SWAP70: variants seen among roughly 807,000 people sequenced by gnomAD.
SWAP70 encodes the protein switch-associated protein 70.
SWAP70 carries 34 observed loss-of-function variants against 80.2 expected under a neutral mutation model. That is an observed-to-expected ratio of 0.42 (90% CI 0.32 to 0.56). SWAP70 has a LOEUF of 0.56. SWAP70 is among the 20% of genes least tolerant of loss of function. SWAP70 has a pLI of 0.09. For synonymous variants in SWAP70, 239 were observed against 238.5 expected, an observed-to-expected ratio of 1.00 and a Z score of -0.02; for missense variants, 578 against 690.7, an observed-to-expected ratio of 0.84 and a Z score of 1.83.
intron 1 of SWAP70, among the ~76,000 whole-genome samples, chr11:9,683,584 G>A (rs1045420265): frequency 6.6e-6 from 1 of 152,204 alleles, no homozygotes; most frequent in Non-Finnish European, 1.5e-5. Flanking sequence ...CCAATGTTAA[G>A]ACACTGTTAG....
rs1348040216 is a variant in SWAP70, at chr11:9,664,249, A to G, written c.70A>G (p.Ser24Gly). ...HAFTALDQDH[S>G]GKVSKSQLKV... ...CTTCACCGCACTCGACCAGGACCAC[A>G]GCGGCAAGGTCTCCAAGTCCCAGCT... is the stretch of plus-strand genomic sequence containing the variant. The change falls in exon 1 of 12, where the codon AGC becomes GGC. Residue 24 changes from serine to glycine, a missense_variant. Coordinates refer to ENST00000318950, the MANE Select transcript of SWAP70 (RefSeq NM_015055.4). 1 of 1,590,644 alleles carries G rather than the reference A, an allele frequency of 6.3e-7. No individual in the cohort carries two copies. Among genetic ancestry groups the G allele is most frequent in the Non-Finnish European group, 8.6e-7 (1 of 1,169,258 alleles).
intron 9 of SWAP70, chr11:9,741,041 A>T (rs1459967613): frequency 6.5e-6 from 1 of 153,296 alleles, no homozygotes. Flanking sequence ...GGTGTCTGGG[A>T]TGGGAGACAA....
intron 3 of SWAP70, chr11:9,720,468 G>C: frequency 2.0e-6 from 2 of 985,420 alleles, no homozygotes; most frequent in Non-Finnish European, 2.4e-6. Context: ...TGTGAATGAC[G>C]TGGGTTCAGT....
In SWAP70 at chr11:9,666,089, G is replaced by GTT. The variant is rs1392291288; in HGVS notation, c.99+1822_99+1823dup. Among the ~76,000 whole-genome samples, 37 of 126,220 alleles carry GTT rather than the reference G, an allele frequency of 2.9e-4. 1 individual carries two copies. Among genetic ancestry groups the GTT allele is most frequent in the African/African-American group, 9.3e-4 (32 of 34,544 alleles). 82.8% of individuals were successfully genotyped at this position (126,220 alleles called of 152,430 possible). On this transcript the variant is annotated intron_variant, in intron 1 of 11. Coordinates refer to ENST00000318950, the MANE Select transcript of SWAP70 (RefSeq NM_015055.4). ...TTATTTGAATATGCTTTAGTTTTTT[G>GTT]TTTTTTTTTTTTCTGAGACACAGTC...
chr11:9,697,209 A>G (rs748874622), intron 2 of SWAP70, among the ~76,000 whole-genome samples: 1 of 151,812 alleles, frequency 6.6e-6, no homozygotes, highest in Non-Finnish European at 1.5e-5. Flanking sequence ...ATAGTAAAGT[A>G]TAGTAATTAG....
intron 3 of SWAP70, among the ~76,000 whole-genome samples, chr11:9,714,422 TG>T (rs1260390650): frequency 3.3e-5 from 5 of 152,264 alleles, no homozygotes; most frequent in Admixed American, 2.6e-4. Flanking sequence ...GTTTAATGCC[TG>T]GCACATAGTA....
chr11:9,688,700 G>C (rs1156855191), intron 1 of SWAP70, among the ~76,000 whole-genome samples: 1 of 152,106 alleles, frequency 6.6e-6, no homozygotes, highest in Non-Finnish European at 1.5e-5. Context: ...TGTCTAGGAT[G>C]GTAACTGATT....
chr11:9,706,595 C>G (rs1053112934), intron 2 of SWAP70, among the ~76,000 whole-genome samples: 6 of 152,034 alleles, frequency 3.9e-5, no homozygotes, highest in African/African-American at 1.4e-4. Context: ...GAGGAAGCCA[C>G]CATCCTGAAT....
chr11:9,703,124 T>C (rs1021014263), intron 2 of SWAP70, among the ~76,000 whole-genome samples: 5 of 152,124 alleles, frequency 3.3e-5, no homozygotes, highest in Admixed American at 6.6e-5. Flanking sequence ...CAAATCTACT[T>C]TCTGTCTATA....
At chr11:9,733,722 T>TA (rs1202406948) in intron 7 of SWAP70, among the ~76,000 whole-genome samples, 1 of 152,200 alleles carries the variant, frequency 6.6e-6, no homozygotes, top group Non-Finnish European at 1.5e-5. Flanking sequence ...CTTTAAAGGT[T>TA]ACGCTGAGCA....
At chr11:9,668,136 G>T (rs184775797) in intron 1 of SWAP70, among the ~76,000 whole-genome samples, 434 of 152,286 alleles carry the variant, frequency 2.8e-3, no homozygotes, top group Non-Finnish European at 4.6e-3. Flanking sequence ...TGATCCACCC[G>T]CCTTGGCCTC....
rs1440572856 is a variant in SWAP70, at chr11:9,671,793, TAA to T, written c.99+7517_99+7518del. 1.1e-4 allele frequency among the ~76,000 whole-genome samples: 9 copies of T among 85,522 alleles called. 1 individual carries two copies. The Admixed American group carries it at 1.3e-3, about 13-fold the overall frequency. 56.1% of individuals were successfully genotyped at this position (85,522 alleles called of 152,430 possible). ...TATAAATATAATATATTATTATTTA[TAA>T]ATATATATAAATATAAATATATAAA... On this transcript the variant is annotated intron_variant, in intron 1 of 11. Transcript: ENST00000318950.
chr11:9,729,874 T>C (rs1213937884), intron 6 of SWAP70, among the ~76,000 whole-genome samples: 1 of 152,270 alleles, frequency 6.6e-6, no homozygotes, highest in African/African-American at 2.4e-5. Context: ...CTGCATGTGA[T>C]ACAGTAGCTG....
chr11:9,678,323 A>G (rs1488039506), intron 1 of SWAP70, among the ~76,000 whole-genome samples: 3 of 152,290 alleles, frequency 2.0e-5, no homozygotes, highest in Middle Eastern at 3.4e-3. Context: ...TTTTATGTAG[A>G]TATCACCAAA....
intron 2 of SWAP70, among the ~76,000 whole-genome samples, chr11:9,695,889 C>T (rs1239562470): frequency 1.3e-5 from 2 of 151,970 alleles, no homozygotes; most frequent in East Asian, 1.9e-4. Context: ...CTGACCTCCT[C>T]GGGCTCAGGT....
chr11:9,715,385 C>T (rs1423236196), intron 3 of SWAP70, among the ~76,000 whole-genome samples: 2 of 152,146 alleles, frequency 1.3e-5, no homozygotes, highest in East Asian at 1.9e-4. Context: ...ATTTACTGTA[C>T]TGGCCACTCC....
chr11:9,740,353 A>G lies in SWAP70; in HGVS notation c.1355+6A>G. ...GTGCGGAAGCTTCAGGCCAGGTGCCAGATTTGTTTGCAGACTTTGCCTTTA... is the reference window on the plus strand; with the variant it reads ...GTGCGGAAGCTTCAGGCCAGGTGCCGGATTTGTTTGCAGACTTTGCCTTTA... On this transcript the variant is annotated splice_donor_region_variant and intron_variant, in intron 9 of 11. Transcript: ENST00000318950. 6.2e-7 allele frequency: 1 copy of G among 1,614,140 alleles called. No individual in the cohort carries two copies. The highest frequency in any genetic ancestry group is 8.5e-7 in the Non-Finnish European group (1 of 1,179,982).
At position 9,713,632 on chromosome 11, in the gene SWAP70, C is replaced by A; in HGVS notation, c.407C>A (p.Ser136Ter). 2 of 1,612,606 alleles carry A rather than the reference C, an allele frequency of 1.2e-6. No homozygotes were observed. The highest frequency in any genetic ancestry group is 2.2e-5 in the South Asian group (2 of 90,874). ...SEDKYPLIIVSEEIEYLLKKL... is the reference protein window; with the variant it reads ...SEDKYPLIIV ...GACAAGTATCCATTAATTATTGTGT[C>A]AGAAGAGGTAAGGTGTGGCTTGGGG... The change falls in exon 3 of 12, where the codon TCA becomes TAA. Residue 136 changes from serine to a stop codon, truncating the protein, a stop_gained. Coordinates refer to ENST00000318950, the MANE Select transcript of SWAP70 (RefSeq NM_015055.4). LOFTEE classifies it high-confidence loss of function.
intron 9 of SWAP70, among the ~76,000 whole-genome samples, chr11:9,742,927 T>C (rs1273698923): frequency 6.6e-6 from 1 of 151,368 alleles, no homozygotes; most frequent in South Asian, 2.1e-4. Context: ...ACTTTAAGTT[T>C]TAGGGTACAT....
Sources: allele counts gnomAD v4.1 joint callset (sites outside exome capture counted in the v4.1 genomes callset), GRCh38; gene constraint gnomAD v4.1.1; transcripts MANE v1.5; gene names NCBI Gene and HGNC (gene_info 2026-07-23, HGNC 2026-07-21).